The following C8orf34 variants were observed in gnomAD, a reference collection of about 807,000 sequenced individuals.
C8orf34 encodes uncharacterized protein C8orf34.
In C8orf34, 65 loss-of-function variants were observed where a neutral mutation model predicts 68.3. The ratio of observed to expected loss-of-function variants is 0.95; its 90% CI spans 0.78 to 1.17. The LOEUF (loss-of-function observed/expected upper bound fraction) is 1.17. C8orf34 is among the 50% of genes most tolerant of loss of function. The pLI is 0.00. For synonymous variants in C8orf34, 244 were observed against 241.2 expected, an observed-to-expected ratio of 1.01 and a Z score of -0.11; for missense variants, 664 against 655.4, an observed-to-expected ratio of 1.01 and a Z score of -0.14.
intron 8 of C8orf34, among the ~76,000 whole-genome samples, chr8:68,643,721 A>G (rs1167405487): frequency 6.6e-6 from 1 of 151,948 alleles, no homozygotes; most frequent in Non-Finnish European, 1.5e-5. Flanking sequence ...CAATATCCCT[A>G]CCTCCTTATA....
intron 8 of C8orf34, among the ~76,000 whole-genome samples, chr8:68,707,660 C>G (rs1821209094): frequency 6.6e-6 from 1 of 152,092 alleles, no homozygotes. Flanking sequence ...ACTGCAGACT[C>G]AAACTCCTGG....
At chr8:68,467,678 G>A (rs1250996571) in intron 3 of C8orf34, among the ~76,000 whole-genome samples, 1 of 151,926 alleles carries the variant, frequency 6.6e-6, no homozygotes. Context: ...AGCAACTCCA[G>A]TAGGAGCTTT....
chr8:68,485,580 C>T (rs756249953), intron 4 of C8orf34, among the ~76,000 whole-genome samples: 20 of 151,586 alleles, frequency 1.3e-4, no homozygotes, highest in Non-Finnish European at 2.5e-4. Context: ...GGCATGGTGG[C>T]GGGTGCCTGT....
chr8:68,661,554 T>A (rs1241240789), intron 8 of C8orf34, among the ~76,000 whole-genome samples: 2 of 151,842 alleles, frequency 1.3e-5, no homozygotes, highest in East Asian at 1.9e-4. Flanking sequence ...AAGAGAGGAG[T>A]CCTAAAAGCA....
chr8:68,508,373 T>C (rs936323094), intron 5 of C8orf34, among the ~76,000 whole-genome samples: 2 of 152,218 alleles, frequency 1.3e-5, no homozygotes, highest in African/African-American at 4.8e-5. Flanking sequence ...ATAATTTTCT[T>C]ACATTTTTAT....
chr8:68,577,399 A>G (rs187799208), intron 7 of C8orf34, among the ~76,000 whole-genome samples: 210 of 152,124 alleles, frequency 1.4e-3, no homozygotes, highest in African/African-American at 5.0e-3. Flanking sequence ...ATGTAACAAA[A>G]GTATTAAAGT....
chr8:68,603,906 G>C (rs1167483207), intron 7 of C8orf34, among the ~76,000 whole-genome samples: 2 of 152,024 alleles, frequency 1.3e-5, no homozygotes, highest in African/African-American at 4.8e-5. Context: ...AATATCCATG[G>C]TCTAAAATTT....
At chr8:68,653,574 G>A (rs1819425733) in intron 8 of C8orf34, among the ~76,000 whole-genome samples, 1 of 152,152 alleles carries the variant, frequency 6.6e-6, no homozygotes, top group Admixed American at 6.5e-5. Context: ...CTGAGATTGG[G>A]GTGCCAGCAT....
At chr8:68,498,215 T>C (rs1813615710) in intron 5 of C8orf34, among the ~76,000 whole-genome samples, 1 of 152,096 alleles carries the variant, frequency 6.6e-6, no homozygotes, top group African/African-American at 2.4e-5. Flanking sequence ...TGCACACACA[T>C]CAAATTGTTT....
chr8:68,548,302 G>A (rs1452808708), intron 7 of C8orf34, among the ~76,000 whole-genome samples: 1 of 151,640 alleles, frequency 6.6e-6, no homozygotes, highest in African/African-American at 2.4e-5. Context: ...TGACAAATGT[G>A]TATCTAAAAT....
At chr8:68,769,289 T>C (rs1309167394) in intron 10 of C8orf34, among the ~76,000 whole-genome samples, 1 of 151,908 alleles carries the variant, frequency 6.6e-6, no homozygotes, top group Non-Finnish European at 1.5e-5. Flanking sequence ...TAAAGAAAAA[T>C]CTCTTAATTT....
chr8:68,570,922 T>C (rs564680464), intron 7 of C8orf34, among the ~76,000 whole-genome samples: 34 of 152,284 alleles, frequency 2.2e-4, no homozygotes, highest in African/African-American at 8.2e-4. Flanking sequence ...AGATGGTGCA[T>C]GTTAAGGGTC....
At chr8:68,748,348 A>G (rs1822577066) in intron 10 of C8orf34, among the ~76,000 whole-genome samples, 1 of 148,002 alleles carries the variant, frequency 6.8e-6, no homozygotes, top group African/African-American at 2.5e-5. Context: ...TGTCTAAAAC[A>G]CCAAAAGCAA....
chr8:68,774,776 G>T lies in C8orf34; in HGVS notation c.1405-1623G>T, dbSNP rs370867886. On this transcript the variant is annotated intron_variant, in intron 10 of 13. Coordinates refer to ENST00000518698, the MANE Select transcript of C8orf34 (RefSeq NM_052958.4). ...AAAAAACTAAAATGAATTTAATTTT[G>T]TATGTTTTAAATTGTTGTATCTCAG... Among the ~76,000 whole-genome samples the T allele has an allele frequency of 2.1e-4, 32 of 151,486 alleles. No individual in the cohort carries two copies. In the East Asian group the frequency reaches 5.8e-3, roughly 28 times the overall value.
chr8:68,334,220 A>T (rs6991082), intron 1 of C8orf34, among the ~76,000 whole-genome samples: 25,388 of 151,924 alleles, frequency 0.17, 3,454 homozygotes, highest in African/African-American at 0.38. Context: ...TTTCCAGCTG[A>T]CTCAGGTGAA....
At chr8:68,346,146 G>A (rs897416183) in intron 1 of C8orf34, among the ~76,000 whole-genome samples, 2 of 151,798 alleles carry the variant, frequency 1.3e-5, no homozygotes, top group Non-Finnish European at 2.9e-5. Context: ...GATTGAATGT[G>A]TATTCTTTCT....
chr8:68,704,637 A>C (rs1821113363), intron 8 of C8orf34, among the ~76,000 whole-genome samples: 1 of 152,122 alleles, frequency 6.6e-6, no homozygotes, highest in Admixed American at 6.6e-5. Context: ...TCTCTCTCCA[A>C]AAAAGATCAC....
At chr8:68,358,261 G>A (rs910470226) in intron 1 of C8orf34, among the ~76,000 whole-genome samples, 36 of 151,982 alleles carry the variant, frequency 2.4e-4, no homozygotes, top group Non-Finnish European at 2.4e-4. Flanking sequence ...GAATTTATTT[G>A]TACATGATGT....
At chr8:68,545,179 C>T (rs1301858494) in intron 7 of C8orf34, among the ~76,000 whole-genome samples, 3 of 151,988 alleles carry the variant, frequency 2.0e-5, no homozygotes, top group South Asian at 2.1e-4. Flanking sequence ...ATCCTGGGGG[C>T]GGTTTTCCCC....
Sources: allele counts gnomAD v4.1 joint callset (sites outside exome capture counted in the v4.1 genomes callset), GRCh38; gene constraint gnomAD v4.1.1; transcripts MANE v1.5; gene names NCBI Gene and HGNC (gene_info 2026-07-23, HGNC 2026-07-21).